Variants in GPC6 observed in about 807,000 individuals in gnomAD.
GPC6 encodes glypican 6.
Under a neutral mutation model 55.2 loss-of-function variants are expected in GPC6, and 14 were observed. The observed-to-expected ratio is 0.25, with a 90% CI of 0.17 to 0.40. The LOEUF is 0.40. GPC6 is among the 10% of genes least tolerant of loss of function. The pLI, the probability that GPC6 is intolerant of heterozygous loss-of-function variation, is 1.00. For missense variants in GPC6, 641 were observed against 708.5 expected (o/e 0.90, Z 1.08); for synonymous variants, 278 against 259.6 (o/e 1.07, Z -0.68).
intron 1 of GPC6, among the ~76,000 whole-genome samples, chr13:93,349,966 C>G (rs1454473908): frequency 6.6e-6 from 1 of 152,116 alleles, no homozygotes; most frequent in Non-Finnish European, 1.5e-5. Context: ...AATGAGTGCT[C>G]TCTTGAAATT....
At chr13:94,325,904 C>T (rs1433103305) in intron 6 of GPC6, among the ~76,000 whole-genome samples, 1 of 152,168 alleles carries the variant, frequency 6.6e-6, no homozygotes, top group Non-Finnish European at 1.5e-5. Flanking sequence ...AAGCTCTGAC[C>T]ATGACCTCCT....
intron 1 of GPC6, among the ~76,000 whole-genome samples, chr13:93,297,554 C>T (rs1020971973): frequency 9.9e-5 from 15 of 152,044 alleles, no homozygotes; most frequent in African/African-American, 2.2e-4. Flanking sequence ...TTGAGTAAGC[C>T]CAGGAGTTTG....
intron 3 of GPC6, among the ~76,000 whole-genome samples, chr13:93,879,229 A>G (rs1392287998): frequency 2.0e-5 from 3 of 152,088 alleles, no homozygotes; most frequent in African/African-American, 7.2e-5. Context: ...TTAGTTATAA[A>G]TTCTTCTAAA....
chr13:94,324,563 T>C (rs1877010772), intron 6 of GPC6, among the ~76,000 whole-genome samples: 1 of 152,124 alleles, frequency 6.6e-6, no homozygotes, highest in Non-Finnish European at 1.5e-5. Context: ...GCAGCTATTT[T>C]TATCTTCCCT....
chr13:93,562,352 A>G (rs1282019509), intron 2 of GPC6, among the ~76,000 whole-genome samples: 1 of 152,162 alleles, frequency 6.6e-6, no homozygotes, highest in African/African-American at 2.4e-5. Context: ...AACGTATAAC[A>G]TATGAAATTT....
At chr13:93,974,303 T>C (rs1363058894) in intron 3 of GPC6, among the ~76,000 whole-genome samples, 1 of 152,236 alleles carries the variant, frequency 6.6e-6, no homozygotes, top group African/African-American at 2.4e-5. Flanking sequence ...AATACCCATT[T>C]ATTACCTGCT....
At chr13:93,437,764 A>G (rs189695857) in intron 1 of GPC6, among the ~76,000 whole-genome samples, 5 of 152,180 alleles carry the variant, frequency 3.3e-5, no homozygotes, top group Non-Finnish European at 7.3e-5. Flanking sequence ...GAAAAATAGA[A>G]CTAAGATAAC....
chr13:94,221,738 T>G (rs1020676667), intron 4 of GPC6, among the ~76,000 whole-genome samples: 1 of 152,010 alleles, frequency 6.6e-6, no homozygotes, highest in African/African-American at 2.4e-5. Flanking sequence ...GGAAAAAAAA[T>G]TAGAGTTTTT....
At chr13:94,180,870 G>GAC (rs946188476) in intron 4 of GPC6, among the ~76,000 whole-genome samples, 79 of 144,986 alleles carry the variant, frequency 5.4e-4, no homozygotes, top group Non-Finnish European at 6.3e-4. Context: ...GTATAAGAGA[G>GAC]ACACACACAG....
intron 4 of GPC6, among the ~76,000 whole-genome samples, chr13:94,269,725 C>T (rs1204704167): frequency 2.0e-5 from 3 of 152,142 alleles, no homozygotes; most frequent in Non-Finnish European, 1.5e-5. Context: ...TGCCTCTGCC[C>T]ACTTTCTCTT....
At chr13:93,695,238 T>C (rs1882409913) in intron 2 of GPC6, among the ~76,000 whole-genome samples, 1 of 152,080 alleles carries the variant, frequency 6.6e-6, no homozygotes, top group Non-Finnish European at 1.5e-5. Context: ...CACCCTAAAA[T>C]ATGTTTGCTA....
intron 1 of GPC6, among the ~76,000 whole-genome samples, chr13:93,351,797 C>T (rs1880642172): frequency 6.6e-6 from 1 of 152,116 alleles, no homozygotes; most frequent in Non-Finnish European, 1.5e-5. Flanking sequence ...ATTGGAACCA[C>T]CGTTGATTAC....
chr13:94,078,981 C>T (rs143011000), intron 4 of GPC6, among the ~76,000 whole-genome samples: 53 of 152,036 alleles, frequency 3.5e-4, no homozygotes, highest in African/African-American at 1.3e-3. Context: ...TTATACCTTA[C>T]CCATATCCAT....
chr13:93,483,924 A>G (rs1348287154), intron 1 of GPC6, among the ~76,000 whole-genome samples: 1 of 152,198 alleles, frequency 6.6e-6, no homozygotes, highest in Non-Finnish European at 1.5e-5. Context: ...TGAATGTCAC[A>G]AGACTTATTT....
intron 1 of GPC6, among the ~76,000 whole-genome samples, chr13:93,418,125 ATTTT>A (rs1026197171): frequency 6.6e-6 from 1 of 151,688 alleles, no homozygotes; most frequent in African/African-American, 2.4e-5. Context: ...AGTATTTAAA[ATTTT>A]TTTTAACTTT....
chr13:93,522,443 C>T (rs1019095757), intron 1 of GPC6, among the ~76,000 whole-genome samples: 1 of 151,912 alleles, frequency 6.6e-6, no homozygotes, highest in African/African-American at 2.4e-5. Flanking sequence ...CTTATTTTCC[C>T]ATTAATTAGC....
intron 2 of GPC6, among the ~76,000 whole-genome samples, chr13:93,613,720 A>G (rs2139544653): frequency 6.6e-6 from 1 of 152,278 alleles, no homozygotes; most frequent in Middle Eastern, 3.4e-3. Flanking sequence ...CTCAGAGTCC[A>G]TAAGAATATG....
intron 4 of GPC6, among the ~76,000 whole-genome samples, chr13:94,144,229 G>C (rs925933184): frequency 2.0e-5 from 3 of 152,034 alleles, no homozygotes; most frequent in African/African-American, 4.8e-5. Flanking sequence ...TGTAACATCA[G>C]GGTTGAAATG....
intron 1 of GPC6, among the ~76,000 whole-genome samples, chr13:93,427,901 T>C (rs1382214182): frequency 6.6e-6 from 1 of 152,216 alleles, no homozygotes; most frequent in Non-Finnish European, 1.5e-5. Flanking sequence ...TAGTTTACTT[T>C]TAGAAAAGTT....
Sources: allele counts gnomAD v4.1 joint callset (sites outside exome capture counted in the v4.1 genomes callset), GRCh38; gene constraint gnomAD v4.1.1; transcripts MANE v1.5; gene names NCBI Gene and HGNC (gene_info 2026-07-23, HGNC 2026-07-21).